CLTC: variants seen among roughly 807,000 people sequenced by gnomAD.
The protein encoded by CLTC is clathrin heavy chain.
A neutral mutation model predicts 195.8 loss-of-function variants in CLTC; 16 were observed. The observed-to-expected ratio is 0.08, with a 90% CI of 0.06 to 0.12. The LOEUF is 0.12. Ranked by LOEUF, CLTC falls within the 10% of genes least tolerant of loss-of-function variation. CLTC has a pLI of 1.00. For synonymous variants in CLTC, 667 were observed against 689.4 expected, an observed-to-expected ratio of 0.97 and a Z score of 0.51; for missense variants, 796 against 2,027.0, an observed-to-expected ratio of 0.39 and a Z score of 11.66.
chr17:59,670,614 G>A (rs921856660), intron 14 of CLTC, among the ~76,000 whole-genome samples: 1 of 151,992 alleles, frequency 6.6e-6, no homozygotes, highest in Non-Finnish European at 1.5e-5. Flanking sequence ...TGAGCCCTCA[G>A]CTTCTATGCT....
At chr17:59,646,347 T>C (rs765025783) in intron 2 of CLTC, among the ~76,000 whole-genome samples, 1 of 152,214 alleles carries the variant, frequency 6.6e-6, no homozygotes, top group Non-Finnish European at 1.5e-5. Flanking sequence ...CAAGTCTGGT[T>C]GTGGTTTACA....
intron 1 of CLTC, among the ~76,000 whole-genome samples, chr17:59,633,027 G>A (rs1051475133): frequency 1.3e-5 from 2 of 150,588 alleles, no homozygotes; most frequent in African/African-American, 4.9e-5. Context: ...AATCATGGTG[G>A]TTGTCATTTT....
intron 13 of CLTC, 147 bp from the exon 14 acceptor site, chr17:59,668,630 G>A: frequency 1.7e-6 from 1 of 591,540 alleles, no homozygotes; most frequent in Non-Finnish European, 2.9e-6. Flanking sequence ...TCTGATTAAT[G>A]GAATAGTTAG....
chr17:59,651,582 G>A (rs906651188), intron 5 of CLTC, among the ~76,000 whole-genome samples: 1 of 152,156 alleles, frequency 6.6e-6, no homozygotes, highest in African/African-American at 2.4e-5. Flanking sequence ...TCCCAGTGCA[G>A]ATCAAAGTTA....
chr17:59,644,025 A>ATGTT (rs1199770704), intron 1 of CLTC, among the ~76,000 whole-genome samples: 1 of 152,198 alleles, frequency 6.6e-6, no homozygotes, highest in Non-Finnish European at 1.5e-5. Flanking sequence ...TACCTTGCAG[A>ATGTT]TGTTGCTCTT....
intron 13 of CLTC, among the ~76,000 whole-genome samples, chr17:59,668,548 A>G (rs929205892): frequency 6.6e-6 from 1 of 152,218 alleles, no homozygotes; most frequent in Non-Finnish European, 1.5e-5. Context: ...CTGCCTCAAT[A>G]AAAAAGAAAA....
chr17:59,691,812 A>G (rs2033307968), intron 31 of CLTC, among the ~76,000 whole-genome samples: 1 of 151,848 alleles, frequency 6.6e-6, no homozygotes, highest in Admixed American at 6.6e-5. Flanking sequence ...TGGGAGCAAG[A>G]TGTTTGACAT....
chr17:59,660,306 C>A, intron 6 of CLTC, 85 bp from the exon 7 acceptor site: 3 of 1,113,298 alleles, frequency 2.7e-6, no homozygotes, highest in Non-Finnish European at 4.0e-6. Flanking sequence ...CTTTGTGACT[C>A]AGTATTAACC....
chr17:59,659,616 T>C (rs539752618), intron 6 of CLTC, among the ~76,000 whole-genome samples: 165 of 151,910 alleles, frequency 1.1e-3, no homozygotes, highest in Non-Finnish European at 1.9e-3. Context: ...GGCTAATTTT[T>C]ATATTTTTTT....
chr17:59,696,698 GA>G lies in CLTC; in HGVS notation c.*2852del. On this transcript the variant is annotated 3_prime_UTR_variant, in exon 32 of 32. Coordinates refer to ENST00000269122, the MANE Select transcript of CLTC (RefSeq NM_004859.4). Reference sequence around the variant, plus strand: ...CCTTAATTGTCAAAGTTAGTTCTAGGAAAAAATACTAGCAGGGATGACAAAC... The same window carrying G: ...CCTTAATTGTCAAAGTTAGTTCTAGGAAAAATACTAGCAGGGATGACAAAC... 4.8e-6 allele frequency: 1 copy of G among 207,856 alleles called. No homozygotes were observed. The highest frequency in any genetic ancestry group is 9.8e-6 in the Non-Finnish European group (1 of 102,050). The allele number at this position is 207,856 out of a possible 1,614,324, so 12.9% of individuals were successfully genotyped here. A position where few individuals can be genotyped will look rare whatever the true frequency, so the allele number is the denominator to read the frequency against.
chr17:59,620,068 A>C lies in CLTC; in HGVS notation c.-64A>C. 6.7e-7 allele frequency: 1 copy of C among 1,490,784 alleles called. No homozygotes were observed. 92.3% of individuals were successfully genotyped at this position (1,490,784 alleles called of 1,614,324 possible). On this transcript the variant is annotated 5_prime_UTR_variant, in exon 1 of 32. Coordinates refer to ENST00000269122, the MANE Select transcript of CLTC (RefSeq NM_004859.4). The stretch of plus-strand genomic sequence containing the variant: ...CCCCTTCTCCTCCTCTCCCTTGGAG[A>C]GCCCGGGCAGCCACTGCCCCGCAGC...
At chr17:59,659,453 ATTTT>A (rs10611799) in intron 6 of CLTC, among the ~76,000 whole-genome samples, 34 of 134,558 alleles carry the variant, frequency 2.5e-4, no homozygotes, top group African/African-American at 8.6e-4. Context: ...TTTTTAATTA[ATTTT>A]TTTTTTTTTT....
intron 10 of CLTC, among the ~76,000 whole-genome samples, chr17:59,665,485 G>T (rs1472906390): frequency 1.3e-5 from 2 of 152,142 alleles, no homozygotes; most frequent in Non-Finnish European, 2.9e-5. Flanking sequence ...AGATGCATTT[G>T]TAAGTGTGAG....
chr17:59,622,195 T>C (rs982935364), intron 1 of CLTC, among the ~76,000 whole-genome samples: 1 of 152,234 alleles, frequency 6.6e-6, no homozygotes, highest in South Asian at 2.1e-4. Flanking sequence ...ATTTTGAATA[T>C]AAAGCGATTT....
chr17:59,657,767 CAAAA>C (rs995771746), intron 6 of CLTC, among the ~76,000 whole-genome samples: 1 of 60,500 alleles, frequency 1.7e-5, no homozygotes, highest in African/African-American at 6.6e-5. Context: ...GACTCTGTCT[CAAAA>C]AAAAAAAAAA....
At chr17:59,642,181 A>G (rs908609832) in intron 1 of CLTC, among the ~76,000 whole-genome samples, 2 of 152,090 alleles carry the variant, frequency 1.3e-5, no homozygotes, top group African/African-American at 4.8e-5. Context: ...TCTTAAAGTC[A>G]TCTTCCACCT....
In CLTC at chr17:59,648,600, G is replaced by T; in HGVS notation, c.681+199G>T. 1 of 536,576 alleles carries T rather than the reference G, an allele frequency of 1.9e-6. No homozygotes were observed. The highest frequency in any genetic ancestry group is 3.3e-6 in the Non-Finnish European group (1 of 302,638). 33.2% of individuals were successfully genotyped at this position (536,576 alleles called of 1,614,324 possible). On this transcript the variant is annotated intron_variant, in intron 4 of 31. Transcript: ENST00000269122. The surrounding 1 kb of genome is among the most constrained non-coding windows in gnomAD (Gnocchi z 4.5). ...ATAATGTTCTTTCACAACTCGTTCT[G>T]TTGGCTGTTTATATTCTTTGATTGC... is the stretch of plus-strand genomic sequence containing the variant.
Position 59,693,860 on chromosome 17 carries a change from C to T in CLTC, c.*8C>T, listed in dbSNP as rs564791569. On this transcript the variant is annotated 3_prime_UTR_variant, in exon 32 of 32. Coordinates refer to ENST00000269122, the MANE Select transcript of CLTC (RefSeq NM_004859.4). ...TTTGGGTACAGCATGTGAGATGAAG[C>T]GCTGATCCTGTAGTCACCTATTTTC... The T allele has an allele frequency of 4.9e-5, 78 of 1,607,214 alleles. 1 individual carries two copies. The South Asian group carries it at 7.4e-4, about 15-fold the overall frequency.
Position 59,681,416 on chromosome 17 carries a change from G to A in CLTC, c.3187G>A (p.Glu1063Lys), listed in dbSNP as rs1416551345. The change falls in exon 20 of 32, where the codon GAG (glutamate) becomes AAG (lysine). Residue 1063 changes from glutamate (E) to lysine (K), a missense_variant. Glu to Lys is a moderately conservative substitution (Grantham distance 56). This residue lies in a region of CLTC where 160 missense variants were observed against 448.2 expected (regional missense o/e 0.36). Coordinates refer to ENST00000269122, the MANE Select transcript of CLTC (RefSeq NM_004859.4). The surrounding 1 kb of genome is among the most constrained non-coding windows in gnomAD (Gnocchi z 5.0). ...TATTGCCAATATCGCCATCAGCAATGAGCTGTTTGAAGAAGCATTTGCCAT... is the reference window on the plus strand; with the variant it reads ...TATTGCCAATATCGCCATCAGCAATAAGCTGTTTGAAGAAGCATTTGCCAT... ...PDIANIAISN[E>K]LFEEAFAIFR... 1 of 1,613,906 alleles carries A rather than the reference G, an allele frequency of 6.2e-7. No homozygotes were observed. The highest frequency in any genetic ancestry group is 1.3e-5 in the African/African-American group (1 of 74,884).
Sources: allele counts gnomAD v4.1 joint callset (sites outside exome capture counted in the v4.1 genomes callset), GRCh38; gene constraint gnomAD v4.1.1; regional missense constraint gnomAD v4.1.1; non-coding constraint Gnocchi (gnomAD v3.1); transcripts MANE v1.5; gene names NCBI Gene and HGNC (gene_info 2026-07-23, HGNC 2026-07-21).